Variants in CADM2 observed in about 807,000 individuals in gnomAD.
CADM2 encodes the protein cell adhesion molecule 2.
CADM2 carries 12 observed loss-of-function variants against 49.8 expected under a neutral mutation model. That is an observed-to-expected ratio of 0.24 (90% confidence interval 0.15 to 0.39). The LOEUF is 0.39. Among genes scored for constraint, CADM2 ranks in the 10% least tolerant of loss-of-function variants. The pLI is 1.00. For synonymous variants in CADM2, 214 were observed against 175.4 expected, an observed-to-expected ratio of 1.22 and a Z score of -1.74; for missense variants, 378 against 492.3, an observed-to-expected ratio of 0.77 and a Z score of 2.20.
chr3:85,124,942 A>G lies in CADM2; in HGVS notation c.61+165274A>G, dbSNP rs57710781. ...TTGAAAATTGTTAAGTTGAACCATT[A>G]TAAGTTAGGGCCATCTGTATCACAA... On this transcript the variant is annotated intron_variant, in intron 1 of 9. Coordinates refer to ENST00000383699, the MANE Select transcript of CADM2 (RefSeq NM_001167675.2). 6.1e-3 allele frequency among the ~76,000 whole-genome samples: 927 copies of G among 152,334 alleles called. 14 individuals carry two copies. Among genetic ancestry groups the G allele is most frequent in the African/African-American group, 0.021 (861 of 41,578 alleles).
At chr3:85,466,754 T>A (rs762613172) in intron 1 of CADM2, among the ~76,000 whole-genome samples, 6 of 152,108 alleles carry the variant, frequency 3.9e-5, no homozygotes, top group South Asian at 2.1e-4. Context: ...CAAAAAAAAA[T>A]TATTACCTTG....
chr3:85,943,482 G>A (rs991151701), intron 7 of CADM2, among the ~76,000 whole-genome samples: 3 of 150,036 alleles, frequency 2.0e-5, no homozygotes, highest in East Asian at 2.0e-4. Flanking sequence ...TAACGTTTAA[G>A]TCTTTAATCC....
At chr3:85,389,205 G>C (rs1032396639) in intron 1 of CADM2, among the ~76,000 whole-genome samples, 1 of 152,078 alleles carries the variant, frequency 6.6e-6, no homozygotes, top group Admixed American at 6.5e-5. Flanking sequence ...GGCCCACTTT[G>C]CACCCACAAT....
chr3:85,677,335 T>C (rs548244175), intron 1 of CADM2, among the ~76,000 whole-genome samples: 3 of 152,076 alleles, frequency 2.0e-5, no homozygotes, highest in Admixed American at 6.6e-5. Context: ...TTCACTCACA[T>C]CCTCCCTCTA....
At chr3:85,357,788 G>T (rs11705775) in intron 1 of CADM2, among the ~76,000 whole-genome samples, 48,603 of 151,600 alleles carry the variant, frequency 0.32, 8,016 homozygotes, top group South Asian at 0.39. Flanking sequence ...TGGGAAAACA[G>T]TAGAGATTGT....
chr3:86,035,780 T>G (rs1735082636), intron 8 of CADM2, among the ~76,000 whole-genome samples: 1 of 152,096 alleles, frequency 6.6e-6, no homozygotes, highest in Non-Finnish European at 1.5e-5. Flanking sequence ...CATTCTTTGT[T>G]AGTAGCTCAA....
chr3:85,070,946 G>A (rs1007525547), intron 1 of CADM2, among the ~76,000 whole-genome samples: 5 of 151,324 alleles, frequency 3.3e-5, no homozygotes, highest in South Asian at 2.1e-4. Context: ...CCGAGATCGC[G>A]CCACCGCACT....
chr3:85,467,725 A>C (rs926116649), intron 1 of CADM2, among the ~76,000 whole-genome samples: 4 of 152,234 alleles, frequency 2.6e-5, no homozygotes, highest in African/African-American at 9.6e-5. Flanking sequence ...CAAAAGACAT[A>C]GTAGGACTGG....
intron 8 of CADM2, among the ~76,000 whole-genome samples, chr3:86,043,076 A>G (rs183160043): frequency 1.3e-5 from 2 of 152,214 alleles, no homozygotes; most frequent in South Asian, 4.1e-4. Context: ...GATGGGACGT[A>G]TCTCAAAATA....
chr3:85,751,903 ATAG>A (rs926067045), intron 2 of CADM2, among the ~76,000 whole-genome samples: 1 of 152,132 alleles, frequency 6.6e-6, no homozygotes, highest in Admixed American at 6.6e-5. Flanking sequence ...TCTTCTGACA[ATAG>A]TAGTATGAGA....
intron 1 of CADM2, among the ~76,000 whole-genome samples, chr3:85,628,303 A>G (rs766638861): frequency 6.6e-6 from 1 of 151,932 alleles, no homozygotes; most frequent in Non-Finnish European, 1.5e-5. Flanking sequence ...TGGTATATCA[A>G]TCAAACCCAA....
intron 1 of CADM2, among the ~76,000 whole-genome samples, chr3:85,225,345 T>C (rs2042134078): frequency 6.6e-6 from 1 of 152,212 alleles, no homozygotes; most frequent in South Asian, 2.1e-4. Context: ...TCCTAGGTAT[T>C]TAATTCTCTT....
intron 1 of CADM2, among the ~76,000 whole-genome samples, chr3:85,490,115 T>C (rs974982612): frequency 6.6e-6 from 1 of 152,140 alleles, no homozygotes; most frequent in Non-Finnish European, 1.5e-5. Context: ...AGTCCCTTGC[T>C]TTTTACAAGA....
chr3:85,200,693 A>G (rs968155872), intron 1 of CADM2, among the ~76,000 whole-genome samples: 4 of 152,128 alleles, frequency 2.6e-5, no homozygotes, highest in African/African-American at 9.6e-5. Flanking sequence ...GTGGTATTCT[A>G]TGTCCATTAT....
intron 1 of CADM2, among the ~76,000 whole-genome samples, chr3:85,616,106 G>T (rs1559944885): frequency 6.6e-6 from 1 of 151,502 alleles, no homozygotes; most frequent in African/African-American, 2.4e-5. Context: ...GTGATTGTCG[G>T]GCATTTATTA....
intron 1 of CADM2, among the ~76,000 whole-genome samples, chr3:84,997,792 G>T (rs1358558408): frequency 6.6e-6 from 1 of 152,014 alleles, no homozygotes; most frequent in Non-Finnish European, 1.5e-5. Flanking sequence ...AATGAATTGG[G>T]TGATTATGGT....
intron 1 of CADM2, among the ~76,000 whole-genome samples, chr3:85,629,831 C>A (rs913403594): frequency 6.6e-6 from 1 of 151,948 alleles, no homozygotes; most frequent in Admixed American, 6.6e-5. Flanking sequence ...TAGAAATGAG[C>A]AGATTGGTTA....
intron 8 of CADM2, among the ~76,000 whole-genome samples, chr3:86,010,450 T>C (rs1219914011): frequency 1.3e-5 from 2 of 151,496 alleles, no homozygotes; most frequent in Non-Finnish European, 3.0e-5. Context: ...CCTATAATGA[T>C]AATAGAAGAA....
chr3:85,603,464 T>A lies in CADM2; in HGVS notation c.62-123058T>A, dbSNP rs73141532. Reference sequence around the variant, plus strand: ...TTTTTCCTCAATTTCAAGAAGAAACTTATGTGTCAGCTCACAGGACTCTAT... The same window carrying A: ...TTTTTCCTCAATTTCAAGAAGAAACATATGTGTCAGCTCACAGGACTCTAT... On this transcript the variant is annotated intron_variant, in intron 1 of 9. Transcript: ENST00000383699. 8.6e-5 allele frequency among the ~76,000 whole-genome samples: 13 copies of A among 151,748 alleles called. No homozygotes were observed. The South Asian group carries it at 1.0e-3, about 12-fold the overall frequency.
Sources: allele counts gnomAD v4.1 joint callset (sites outside exome capture counted in the v4.1 genomes callset), GRCh38; gene constraint gnomAD v4.1.1; transcripts MANE v1.5; gene names NCBI Gene and HGNC (gene_info 2026-07-23, HGNC 2026-07-21).